The following ARHGEF2 variants were observed in gnomAD, a reference collection of about 807,000 sequenced individuals.
ARHGEF2 encodes the protein rho guanine nucleotide exchange factor 2.
A neutral mutation model predicts 121.0 loss-of-function variants in ARHGEF2; 22 were observed. The observed-to-expected ratio is 0.18, with a 90% confidence interval of 0.13 to 0.26. ARHGEF2 has a LOEUF of 0.26. Among genes scored for constraint, ARHGEF2 ranks in the 10% least tolerant of loss-of-function variants. ARHGEF2 has a pLI of 1.00. For missense variants in ARHGEF2, 907 were observed against 1,336.0 expected (o/e 0.68, Z 5.01); for synonymous variants, 487 against 530.0 (o/e 0.92, Z 1.11).
At position 155,950,439 on chromosome 1, in the gene ARHGEF2, C is replaced by T. The variant is rs141465288; in HGVS notation, c.2747G>A (p.Arg916His). The T allele has an allele frequency of 1.1e-5, 17 of 1,613,974 alleles. No homozygotes were observed. The highest frequency in any genetic ancestry group is 1.3e-5 in the African/African-American group (1 of 75,052). Residue 916 changes from arginine (R) to histidine (H), a missense_variant, in exon 21 of 22, where the codon CGC becomes CAC. Transcript: ENST00000361247. This position sits in a 1 kb window ranked among gnomAD's most constrained non-coding sequence, Gnocchi z 5.2. ...TDRLDLPVTTRSVHRNFEDRE... is the reference protein window; with the variant it reads ...TDRLDLPVTTHSVHRNFEDRE... ...GTCCTCAAAGTTTCGATGGACAGAG[C>T]GAGTAGTGACAGGTAGATCCAGGCG...
At chr1:155,964,216 A>ATACATATATATATATATAT (rs1340949573) in intron 7 of ARHGEF2, among the ~76,000 whole-genome samples, 15 of 119,180 alleles carry the variant, frequency 1.3e-4, no homozygotes, top group African/African-American at 4.9e-4. Flanking sequence ...ATATATATAT[A>ATACATATATATATATATAT]TTTTTTTTTT....
chr1:155,975,336 C>T (rs1251485832), intron 1 of ARHGEF2, among the ~76,000 whole-genome samples: 1 of 152,154 alleles, frequency 6.6e-6, no homozygotes, highest in African/African-American at 2.4e-5. Flanking sequence ...TCAAATTCCA[C>T]AGCCAGAGTG....
chr1:155,970,272 T>C (rs754670488), intron 1 of ARHGEF2: 3 of 985,598 alleles, frequency 3.0e-6, no homozygotes, highest in African/African-American at 3.5e-5. Flanking sequence ...TTTCCATCTC[T>C]GCTGTCTCCC....
chr1:155,954,370 G>A (rs1033834812), intron 14 of ARHGEF2, among the ~76,000 whole-genome samples: 11 of 137,294 alleles, frequency 8.0e-5, no homozygotes, highest in Admixed American at 8.4e-5. Flanking sequence ...TGCAAGCTCC[G>A]CCTCCCAGGT....
At chr1:155,975,821 G>A (rs1230853341) in intron 1 of ARHGEF2, among the ~76,000 whole-genome samples, 1 of 152,146 alleles carries the variant, frequency 6.6e-6, no homozygotes, top group African/African-American at 2.4e-5. Flanking sequence ...TTTGTTCTAA[G>A]GGATATGATG....
At chr1:155,964,750 T>C (rs1322730795) in intron 7 of ARHGEF2, among the ~76,000 whole-genome samples, 1 of 151,628 alleles carries the variant, frequency 6.6e-6, no homozygotes, top group Non-Finnish European at 1.5e-5. Flanking sequence ...TGAAACCCCG[T>C]CTCTACTAAA....
intron 7 of ARHGEF2, 79 bp downstream of exon 7, chr1:155,964,909 A>C: frequency 1.4e-6 from 2 of 1,425,270 alleles, no homozygotes; most frequent in Non-Finnish European, 1.9e-6. Flanking sequence ...AAAAAAAAAA[A>C]GAAAAAGAAA....
chr1:155,976,093 G>A (rs1255344835), intron 1 of ARHGEF2, among the ~76,000 whole-genome samples: 3 of 151,888 alleles, frequency 2.0e-5, no homozygotes, highest in Admixed American at 2.0e-4. Context: ...AGCTCCCAGG[G>A]AATGAGGCAA....
chr1:155,956,461 TAA>T (rs75065040), intron 13 of ARHGEF2, among the ~76,000 whole-genome samples: 25 of 140,532 alleles, frequency 1.8e-4, no homozygotes, highest in East Asian at 2.0e-4. Flanking sequence ...GTGCAGAAGT[TAA>T]AAAAAAAAAA....
intron 12 of ARHGEF2, 82 bp from the exon 13 acceptor site, chr1:155,957,964 G>T: frequency 3.7e-6 from 5 of 1,357,004 alleles, no homozygotes; most frequent in East Asian, 2.4e-5. Flanking sequence ...TCTGGACGAG[G>T]ACTGAAAGGA....
Position 155,950,573 on chromosome 1 carries a change from C to A in ARHGEF2, c.2704-91G>T, listed in dbSNP as rs1177423235. 2.9e-6 allele frequency: 4 copies of A among 1,368,948 alleles called. No homozygotes were observed. The East Asian group carries it at 6.9e-5, about 24-fold the overall frequency. The allele number at this position is 1,368,948 out of a possible 1,614,324, so 84.8% of individuals were successfully genotyped here. ...CTTGGCTGAAGGCAGCAGCTCTCCC[C>A]CCTGGGGCTCACCCATGAGTCCCCT... On this transcript the variant is annotated intron_variant, in intron 20 of 21. Transcript: ENST00000361247. The surrounding 1 kb of genome is among the most constrained non-coding windows in gnomAD (Gnocchi z 5.2).
At position 155,965,843 on chromosome 1, in the gene ARHGEF2, A is replaced by G; in HGVS notation, c.341-83T>C. The G allele has an allele frequency of 6.8e-7, 1 of 1,473,100 alleles. No homozygotes were observed. Among genetic ancestry groups the G allele is most frequent in the Non-Finnish European group, 9.0e-7 (1 of 1,116,028 alleles). 91.3% of individuals were successfully genotyped at this position (1,473,100 alleles called of 1,614,324 possible). ...AGGCCTCCTAGGCTCCTCAATGAGG[A>G]ATGAGGCATCCTCTCACTCCACCTC... On this transcript the variant is annotated intron_variant, in intron 4 of 21. Coordinates refer to ENST00000361247, the MANE Select transcript of ARHGEF2 (RefSeq NM_001162383.2). The surrounding 1 kb of genome is among the most constrained non-coding windows in gnomAD (Gnocchi z 6.0).
At chr1:155,976,021 G>A (rs1257315292) in intron 1 of ARHGEF2, among the ~76,000 whole-genome samples, 2 of 151,996 alleles carry the variant, frequency 1.3e-5, no homozygotes, top group Non-Finnish European at 2.9e-5. Flanking sequence ...TACACAGAGA[G>A]ATCCTGTGAG....
chr1:155,959,671 A>G (rs184800825), intron 11 of ARHGEF2, among the ~76,000 whole-genome samples: 3 of 152,208 alleles, frequency 2.0e-5, no homozygotes, highest in African/African-American at 4.8e-5. Flanking sequence ...CAGCCTCCCA[A>G]GTAGCTGTGG....
intron 3 of ARHGEF2, 69 bp from the exon 4 acceptor site, chr1:155,966,548 G>A: frequency 6.4e-7 from 1 of 1,565,508 alleles, no homozygotes; most frequent in Non-Finnish European, 8.8e-7. Flanking sequence ...CCAGAGGCAT[G>A]GGACAGGAGC....
Position 155,962,156 on chromosome 1 carries a change from G to T in ARHGEF2, c.1168C>A (p.Arg390Ser). The change falls in exon 10 of 22, where the codon CGC becomes AGC. Residue 390 changes from arginine (R) to serine (S), a missense_variant. Arg to Ser is a moderately radical substitution (Grantham distance 110). Around this residue, in one of 2 missense-constraint regions of ARHGEF2, gnomAD observed 475 missense variants for 776.5 expected, o/e 0.61. Transcript: ENST00000361247. This position sits in a 1 kb window ranked among gnomAD's most constrained non-coding sequence, Gnocchi z 5.8. ...ATGAGTAACGGGTACTTGGTGATGC[G>T]CTGAGTCACCAGCAGGATGCACTCC... ...VQECILLVTQ[R>S]ITKYPLLISR... 1 of 1,614,178 alleles carries T rather than the reference G, an allele frequency of 6.2e-7. No homozygotes were observed. Among genetic ancestry groups the T allele is most frequent in the Non-Finnish European group, 8.5e-7 (1 of 1,180,028 alleles).
intron 1 of ARHGEF2, chr1:155,969,625 T>C (rs1490531353): frequency 8.5e-7 from 1 of 1,176,278 alleles, no homozygotes; most frequent in African/African-American, 1.6e-5. Flanking sequence ...GCCCTAGCTC[T>C]GCTCACCCCC....
rs1287243823 is a variant in ARHGEF2, at chr1:155,947,555, C to G, written c.*387G>C. ...CGTTAGGGCAAGAACCCAGCAGCTG[C>G]GTGGATGAGCCTGAATATACCCCAG... On this transcript the variant is annotated 3_prime_UTR_variant, in exon 22 of 22. Coordinates refer to ENST00000361247, the MANE Select transcript of ARHGEF2 (RefSeq NM_001162383.2). The G allele has an allele frequency of 7.5e-6, 3 of 398,126 alleles. No individual in the cohort carries two copies. The Admixed American group carries it at 8.9e-5, about 12-fold the overall frequency. 24.7% of individuals were successfully genotyped at this position (398,126 alleles called of 1,614,324 possible).
Position 155,951,848 on chromosome 1 carries a change from G to A in ARHGEF2, c.2172+71C>T, listed in dbSNP as rs1303185743. ...GGGTGCCTGCCCCTGACAGCTTTGT[G>A]TTGAGGATCCAGAGGCTGGCTGTCC... On this transcript the variant is annotated intron_variant, in intron 17 of 21. Transcript: ENST00000361247. This position sits in a 1 kb window ranked among gnomAD's most constrained non-coding sequence, Gnocchi z 5.1. 1 of 1,612,954 alleles carries A rather than the reference G, an allele frequency of 6.2e-7. No homozygotes were observed. The highest frequency in any genetic ancestry group is 2.2e-5 in the East Asian group (1 of 44,884).
Sources: gnomAD v4.1 joint callset for allele counts (sites outside exome capture counted in the v4.1 genomes callset) on GRCh38, gnomAD v4.1.1 for gene constraint, gnomAD v4.1.1 regional missense constraint, Gnocchi (gnomAD v3.1) non-coding constraint, MANE v1.5 for transcripts, NCBI Gene and HGNC (gene_info 2026-07-23, HGNC 2026-07-21) for gene names.